Variants in XKR4 observed in about 807,000 individuals in gnomAD.
XKR4 encodes the protein XK-related protein 4.
In XKR4, 12 loss-of-function variants were observed where a neutral mutation model predicts 53.9. That is an observed-to-expected ratio of 0.22 (90% CI 0.14 to 0.36). XKR4 has a LOEUF of 0.36. Among genes scored for constraint, XKR4 ranks in the 10% least tolerant of loss-of-function variants. The pLI is 1.00. For synonymous variants in XKR4, 354 were observed against 362.4 expected (o/e 0.98, Z 0.26); for missense variants, 799 against 859.5 (o/e 0.93, Z 0.88).
At chr8:55,348,549 C>T (rs915156032) in intron 1 of XKR4, among the ~76,000 whole-genome samples, 81 of 152,296 alleles carry the variant, frequency 5.3e-4, no homozygotes, top group Non-Finnish European at 3.1e-4. Flanking sequence ...CAGCCATCCT[C>T]CTCTCCCCAG....
chr8:55,463,848 C>T (rs1245562875), intron 2 of XKR4, among the ~76,000 whole-genome samples: 2 of 152,092 alleles, frequency 1.3e-5, no homozygotes, highest in Non-Finnish European at 2.9e-5. Context: ...CTATAAACAC[C>T]TCTACACAAA....
intron 1 of XKR4, among the ~76,000 whole-genome samples, chr8:55,132,138 T>G (rs1339071183): frequency 6.6e-6 from 1 of 152,196 alleles, no homozygotes; most frequent in Non-Finnish European, 1.5e-5. Context: ...TTCAATTTAT[T>G]GAGCTTGTAT....
intron 2 of XKR4, among the ~76,000 whole-genome samples, chr8:55,373,073 A>G (rs1443273836): frequency 1.3e-5 from 2 of 152,226 alleles, no homozygotes; most frequent in Non-Finnish European, 2.9e-5. Context: ...TTTTGTCAGC[A>G]CTTTCATTGT....
rs530684044 is a variant in XKR4 at position 55,413,315 on chromosome 8, C to T, written c.1006+55438C>T. Among the ~76,000 whole-genome samples, 231 of 152,290 alleles carry T rather than the reference C, an allele frequency of 1.5e-3. 2 individuals are homozygous for T. The highest frequency in any genetic ancestry group is 5.3e-3 in the African/African-American group (221 of 41,568). ...TTGGCTCACTGCAACCTCCACCTCA[C>T]GGGCTCAAGCAATTCTCCTGCTGCT... On this transcript the variant is annotated intron_variant, in intron 2 of 2. Transcript: ENST00000327381.
intron 2 of XKR4, among the ~76,000 whole-genome samples, chr8:55,413,617 T>C (rs1297841067): frequency 6.6e-6 from 1 of 152,238 alleles, no homozygotes; most frequent in Non-Finnish European, 1.5e-5. Flanking sequence ...AAATGTCCTT[T>C]AATATAACTA....
chr8:55,518,271 A>G (rs1806744681), intron 2 of XKR4, among the ~76,000 whole-genome samples: 1 of 152,210 alleles, frequency 6.6e-6, no homozygotes, highest in South Asian at 2.1e-4. Flanking sequence ...CTGAAATTGC[A>G]AAGAAGCAGA....
chr8:55,323,254 T>C (rs1803241892), intron 1 of XKR4, among the ~76,000 whole-genome samples: 1 of 152,212 alleles, frequency 6.6e-6, no homozygotes, highest in Admixed American at 6.5e-5. Context: ...CTATGAGTTT[T>C]GACAAAGGCA....
In XKR4 at chr8:55,536,564, G is replaced by A. The variant is rs13439174; in HGVS notation, c.*12337G>A. 0.3 allele frequency: 44,312 copies of A among 147,868 alleles called. 6,684 individuals are homozygous for A. The highest frequency in any genetic ancestry group is 0.48 in the East Asian group (2,450 of 5,054). The allele number at this position is 147,868 out of a possible 1,614,324, so 9.2% of individuals were successfully genotyped here. On this transcript the variant is annotated 3_prime_UTR_variant, in exon 3 of 3. Coordinates refer to ENST00000327381, the MANE Select transcript of XKR4 (RefSeq NM_052898.2). Reference sequence around the variant, plus strand: ...AGATGTTTGAATCATACAGTTTTCCGTCTGGGTGTCTGGTGTTTCTGGATA... The same window carrying A: ...AGATGTTTGAATCATACAGTTTTCCATCTGGGTGTCTGGTGTTTCTGGATA...
At chr8:55,278,501 CGTT>C (rs943961929) in intron 1 of XKR4, among the ~76,000 whole-genome samples, 37 of 152,056 alleles carry the variant, frequency 2.4e-4, no homozygotes, top group South Asian at 1.5e-3. Context: ...TCTTGGGTGT[CGTT>C]GTAATTTTTA....
chr8:55,161,535 T>C (rs1585912316), intron 1 of XKR4: 2 of 456,204 alleles, frequency 4.4e-6, no homozygotes, highest in East Asian at 6.9e-5. Context: ...TGAGCAGCGC[T>C]CAAAACCTCC....
intron 2 of XKR4, among the ~76,000 whole-genome samples, chr8:55,502,384 A>G: frequency 8.7e-5 from 1 of 11,450 alleles, no homozygotes; most frequent in South Asian, 6.3e-3. Context: ...AACACCTGCT[A>G]TTTTCTTTTT....
intron 2 of XKR4, among the ~76,000 whole-genome samples, chr8:55,421,976 C>A (rs1214323912): frequency 6.6e-6 from 1 of 152,126 alleles, no homozygotes; most frequent in Admixed American, 6.6e-5. Flanking sequence ...GCACTTACAC[C>A]AAGGAGAAGC....
At chr8:55,186,033 A>G (rs947578204) in intron 1 of XKR4, among the ~76,000 whole-genome samples, 2 of 152,218 alleles carry the variant, frequency 1.3e-5, no homozygotes, top group Non-Finnish European at 2.9e-5. Flanking sequence ...ACATTGAAAT[A>G]AGGGTCATTC....
chr8:55,380,773 G>A (rs1048782276), intron 2 of XKR4, among the ~76,000 whole-genome samples: 1 of 152,246 alleles, frequency 6.6e-6, no homozygotes, highest in Non-Finnish European at 1.5e-5. Flanking sequence ...TTTCGCAGAT[G>A]TATCTTTGTT....
chr8:55,345,244 A>G (rs1028429450), intron 1 of XKR4, among the ~76,000 whole-genome samples: 2 of 152,140 alleles, frequency 1.3e-5, no homozygotes, highest in African/African-American at 4.8e-5. Flanking sequence ...CAGTGAGCCA[A>G]GACCATGCCA....
rs140847394 is a variant in XKR4, at chr8:55,338,638, G to A, written c.807-19040G>A. 2.0e-5 allele frequency among the ~76,000 whole-genome samples: 3 copies of A among 152,286 alleles called. No individual in the cohort carries two copies. The East Asian group carries it at 5.8e-4, about 29-fold the overall frequency. ...CTGCAACTCAACAAGATGTGGTCAG[G>A]TTATACCTGTGCAAAGCCAATGACA... On this transcript the variant is annotated intron_variant, in intron 1 of 2. Coordinates refer to ENST00000327381, the MANE Select transcript of XKR4 (RefSeq NM_052898.2).
At chr8:55,145,757 A>C (rs950048494) in intron 1 of XKR4, among the ~76,000 whole-genome samples, 2 of 152,226 alleles carry the variant, frequency 1.3e-5, no homozygotes, top group African/African-American at 4.8e-5. Flanking sequence ...GTACATTTCT[A>C]TTGTCCTTAA....
intron 1 of XKR4, among the ~76,000 whole-genome samples, chr8:55,283,541 T>C (rs987451213): frequency 1.3e-5 from 2 of 152,216 alleles, no homozygotes; most frequent in Non-Finnish European, 2.9e-5. Context: ...GTGACTTTGA[T>C]TAAAATTATG....
chr8:55,432,511 C>CAT (rs1193578044), intron 2 of XKR4, among the ~76,000 whole-genome samples: 1 of 152,172 alleles, frequency 6.6e-6, no homozygotes, highest in African/African-American at 2.4e-5. Flanking sequence ...TAGAAAAAGA[C>CAT]AGATAGTGAG....
Sources: allele counts gnomAD v4.1 joint callset (sites outside exome capture counted in the v4.1 genomes callset), GRCh38; gene constraint gnomAD v4.1.1; transcripts MANE v1.5; gene names NCBI Gene and HGNC (gene_info 2026-07-23, HGNC 2026-07-21).